Variants in GAB3 observed in about 807,000 individuals in gnomAD.
GAB3 encodes the protein GRB2-associated-binding protein 3.
GAB3 carries 12 observed loss-of-function variants against 40.4 expected under a neutral mutation model. The ratio of observed to expected loss-of-function variants is 0.30; its 90% confidence interval spans 0.19 to 0.48. GAB3 has a LOEUF of 0.48. Among genes scored for constraint, GAB3 ranks in the 20% least tolerant of loss-of-function variants. The pLI is 0.99. For synonymous variants in GAB3, 154 were observed against 176.7 expected (o/e 0.87, Z 1.02); for missense variants, 381 against 461.9 (o/e 0.82, Z 1.61).
intron 1 of GAB3, among the ~76,000 whole-genome samples, chrX:154,747,917 T>C (rs1014600003): frequency 8.9e-6 from 1 of 112,288 alleles, no homozygotes; most frequent in African/African-American, 3.2e-5. Flanking sequence ...AAATTAAATA[T>C]GCAACAAAGA....
chrX:154,744,169 G>A (rs1294222185), intron 1 of GAB3, among the ~76,000 whole-genome samples: 1 of 91,967 alleles, frequency 1.1e-5, no homozygotes, highest in Non-Finnish European at 2.0e-5. Flanking sequence ...AGCCGAGATC[G>A]TGCCACTGCA....
intron 4 of GAB3, among the ~76,000 whole-genome samples, chrX:154,706,921 G>GA (rs35585683): frequency 0.51 from 43,276 of 85,502 alleles, 10,032 homozygotes; most frequent in East Asian, 0.77. Flanking sequence ...CCTTGTTTCT[G>GA]AAAAAAAAAA....
intron 8 of GAB3, among the ~76,000 whole-genome samples, chrX:154,684,290 C>T (rs781979613): frequency 4.5e-5 from 5 of 111,696 alleles, no homozygotes; most frequent in East Asian, 2.8e-4. Flanking sequence ...TCTTTTTGGT[C>T]GAAACTATCT....
intron 1 of GAB3, among the ~76,000 whole-genome samples, chrX:154,732,064 G>A (rs1165430772): frequency 2.7e-5 from 3 of 111,659 alleles, no homozygotes; most frequent in South Asian, 3.7e-4. Context: ...GCTGTCATCC[G>A]CTGACTAGAG....
intron 9 of GAB3, 51 bp from the exon 10 acceptor site, chrX:154,678,345 G>A: frequency 1.6e-6 from 1 of 644,216 alleles, no homozygotes; most frequent in Non-Finnish European, 2.5e-6. Flanking sequence ...TAAAATGTCA[G>A]GAAAATGTTT....
At chrX:154,748,664 G>A (rs1285430290) in intron 1 of GAB3, among the ~76,000 whole-genome samples, 1 of 112,292 alleles carries the variant, frequency 8.9e-6, no homozygotes, top group Non-Finnish European at 1.9e-5. Context: ...AGTGCTGCTT[G>A]CTGGCCTGGC....
At chrX:154,714,323 TC>T (rs1205199195) in intron 2 of GAB3, among the ~76,000 whole-genome samples, 3 of 112,071 alleles carry the variant, frequency 2.7e-5, no homozygotes, top group Non-Finnish European at 5.6e-5. Context: ...TCTCCAAGTT[TC>T]CTTTTCTATA....
chrX:154,720,621 C>T (rs1188281107), intron 1 of GAB3, among the ~76,000 whole-genome samples: 15 of 80,233 alleles, frequency 1.9e-4, no homozygotes, highest in Admixed American at 3.0e-4. Context: ...AGCGAGACTC[C>T]GTCTCAAAAA....
chrX:154,731,384 C>T (rs1220009200), intron 1 of GAB3, among the ~76,000 whole-genome samples: 1 of 111,664 alleles, frequency 9.0e-6, no homozygotes, highest in Admixed American at 9.5e-5. Context: ...GAAGTGACGG[C>T]GCAGCTGAAC....
intron 3 of GAB3, among the ~76,000 whole-genome samples, chrX:154,712,972 A>C: frequency 8.9e-6 from 1 of 112,719 alleles, no homozygotes; most frequent in Non-Finnish European, 1.9e-5. Flanking sequence ...CATTCTGTTT[A>C]GTATACTACA....
chrX:154,708,271 C>T (rs1254242434), intron 4 of GAB3, among the ~76,000 whole-genome samples: 1 of 111,631 alleles, frequency 9.0e-6, no homozygotes, highest in African/African-American at 3.3e-5. Flanking sequence ...CCATTTAGCC[C>T]CTAGAAGAAA....
chrX:154,720,836 G>T (rs781879360), intron 1 of GAB3, among the ~76,000 whole-genome samples: 1 of 111,470 alleles, frequency 9.0e-6, no homozygotes, highest in South Asian at 3.7e-4. Context: ...ACAAATGACA[G>T]AATTAGAATA....
intron 1 of GAB3, among the ~76,000 whole-genome samples, chrX:154,748,193 G>A (rs2071557141): frequency 8.9e-6 from 1 of 112,444 alleles, no homozygotes; most frequent in Non-Finnish European, 1.9e-5. Flanking sequence ...ATGCTTTAAC[G>A]AATGAAGTAA....
intron 8 of GAB3, among the ~76,000 whole-genome samples, chrX:154,694,639 C>T (rs1201278487): frequency 3.6e-5 from 4 of 111,732 alleles, no homozygotes; most frequent in Middle Eastern, 4.6e-3. Flanking sequence ...GTGATCCGCC[C>T]GCCTCAGCCT....
intron 1 of GAB3, among the ~76,000 whole-genome samples, chrX:154,724,189 A>C (rs1557259145): frequency 9.1e-6 from 1 of 109,950 alleles, no homozygotes; most frequent in Non-Finnish European, 1.9e-5. Flanking sequence ...TCTACTAAAA[A>C]TACAAAAATT....
chrX:154,700,094 G>A, intron 4 of GAB3, 35 bp from the exon 5 acceptor site: 1 of 1,112,813 alleles, frequency 9.0e-7, no homozygotes, highest in Non-Finnish European at 1.2e-6. Flanking sequence ...GAGAAATGCA[G>A]AACAATATCA....
intron 1 of GAB3, among the ~76,000 whole-genome samples, chrX:154,716,724 A>C (rs2071051953): frequency 8.9e-6 from 1 of 112,403 alleles, no homozygotes; most frequent in Non-Finnish European, 1.9e-5. Context: ...CATACATTAA[A>C]ATCAGATGAA....
intron 1 of GAB3, among the ~76,000 whole-genome samples, chrX:154,722,661 C>A (rs2071152333): frequency 9.0e-6 from 1 of 111,672 alleles, no homozygotes; most frequent in Non-Finnish European, 1.9e-5. Context: ...AAAGACACAT[C>A]AAAATGTTTA....
At chrX:154,694,035 GA>G (rs201752334) in intron 8 of GAB3, among the ~76,000 whole-genome samples, 36 of 102,780 alleles carry the variant, frequency 3.5e-4, no homozygotes, top group African/African-American at 8.1e-4. Context: ...CCCTTAAAGA[GA>G]AAAAAAAAAA....
Sources: allele counts gnomAD v4.1 joint callset (sites outside exome capture counted in the v4.1 genomes callset), GRCh38; gene constraint gnomAD v4.1.1; transcripts MANE v1.5; gene names NCBI Gene and HGNC (gene_info 2026-07-23, HGNC 2026-07-21).